ERBB4: variants seen among roughly 807,000 people sequenced by gnomAD.
ERBB4 encodes the protein erb-b2 receptor tyrosine kinase 4, also known as receptor tyrosine-protein kinase erbB-4.
In ERBB4, 42 loss-of-function variants were observed where a neutral mutation model predicts 158.0. The observed-to-expected ratio is 0.27, with a 90% CI of 0.21 to 0.34. The LOEUF is 0.34. Ranked by LOEUF, ERBB4 falls within the 10% of genes least tolerant of loss-of-function variation. ERBB4 has a pLI of 1.00. For synonymous variants in ERBB4, 583 were observed against 558.7 expected (o/e 1.04, Z -0.61); for missense variants, 1,333 against 1,624.1 (o/e 0.82, Z 3.08).
At position 211,381,116 on chromosome 2, in the gene ERBB4, C is replaced by T. The variant is rs1016661891; in HGVS notation, c.*2499G>A. On this transcript the variant is annotated 3_prime_UTR_variant, in exon 28 of 28. Coordinates refer to ENST00000342788, the MANE Select transcript of ERBB4 (RefSeq NM_005235.3). Reference sequence around the variant, plus strand: ...AGAGCCCTGAGCTATTAGATTGTGGCCCCTGAATCACTCTGTGTCTTTACC... The same window carrying T: ...AGAGCCCTGAGCTATTAGATTGTGGTCCCTGAATCACTCTGTGTCTTTACC... The T allele has an allele frequency of 4.3e-5, 10 of 232,356 alleles. No homozygotes were observed. Among genetic ancestry groups the T allele is most frequent in the Admixed American group, 3.4e-4 (6 of 17,718 alleles). The allele number at this position is 232,356 out of a possible 1,614,324, so 14.4% of individuals were successfully genotyped here. A position where few individuals can be genotyped will look rare whatever the true frequency, so the allele number is the denominator to read the frequency against.
At chr2:211,684,171 G>T (rs528182512) in intron 12 of ERBB4, among the ~76,000 whole-genome samples, 124 of 152,250 alleles carry the variant, frequency 8.1e-4, no homozygotes, top group Admixed American at 2.0e-3. Flanking sequence ...AAACCAAGTG[G>T]CCGGACACGG....
intron 3 of ERBB4, among the ~76,000 whole-genome samples, chr2:211,851,863 G>A (rs2106035307): frequency 6.6e-6 from 1 of 151,736 alleles, no homozygotes; most frequent in South Asian, 2.1e-4. Flanking sequence ...TATGAGCAAA[G>A]GCTAAATATT....
At chr2:212,372,941 AG>A (rs1574793481) in intron 1 of ERBB4, among the ~76,000 whole-genome samples, 1 of 152,070 alleles carries the variant, frequency 6.6e-6, no homozygotes, top group African/African-American at 2.4e-5. Context: ...TATACATAAC[AG>A]GGAAAATTTA....
intron 2 of ERBB4, among the ~76,000 whole-genome samples, chr2:212,021,208 T>C (rs918943274): frequency 6.6e-5 from 10 of 152,170 alleles, no homozygotes; most frequent in African/African-American, 2.4e-4. Flanking sequence ...AATTAGACCT[T>C]TAGAATTCCT....
chr2:211,893,746 CG>C (rs1559621768), intron 3 of ERBB4, among the ~76,000 whole-genome samples: 1 of 120,448 alleles, frequency 8.3e-6, no homozygotes, highest in Admixed American at 8.2e-5. Context: ...AAAAAGTGGG[CG>C]AAGGACATGA....
intron 16 of ERBB4, 32 bp from the exon 17 acceptor site, chr2:211,630,626 A>C (rs200903212): frequency 6.3e-7 from 1 of 1,591,570 alleles, no homozygotes; most frequent in Non-Finnish European, 8.6e-7. Context: ...AAAAAAATAA[A>C]AAGTATGAAG....
At position 212,099,142 on chromosome 2, in the gene ERBB4, C is replaced by T. The variant is rs1172028855; in HGVS notation, c.234+25610G>A. ...TGAGCAACATGGACAGAGCCCCTCT[C>T]TAAAATAAATAAATAAATAAATAAA... On this transcript the variant is annotated intron_variant, in intron 2 of 27. Coordinates refer to ENST00000342788, the MANE Select transcript of ERBB4 (RefSeq NM_005235.3). 6.4e-4 allele frequency among the ~76,000 whole-genome samples: 78 copies of T among 121,226 alleles called. No homozygotes were observed. In the Admixed American group the frequency reaches 8.0e-3, roughly 12 times the overall value. The allele number at this position is 121,226 out of a possible 152,430, so 79.5% of individuals were successfully genotyped here. A position where few individuals can be genotyped will look rare whatever the true frequency, so the allele number is the denominator to read the frequency against.
chr2:211,736,436 C>A (rs540180326), intron 5 of ERBB4, among the ~76,000 whole-genome samples: 4 of 152,182 alleles, frequency 2.6e-5, no homozygotes, highest in African/African-American at 9.6e-5. Context: ...GCAGGGTGTA[C>A]TGAAGTGATT....
At chr2:212,021,373 A>G (rs2076645227) in intron 2 of ERBB4, among the ~76,000 whole-genome samples, 1 of 152,160 alleles carries the variant, frequency 6.6e-6, no homozygotes, top group Non-Finnish European at 1.5e-5. Flanking sequence ...AAAAACAGGC[A>G]CATAGACCAA....
chr2:211,864,708 G>A (rs2078158998), intron 3 of ERBB4, among the ~76,000 whole-genome samples: 1 of 152,172 alleles, frequency 6.6e-6, no homozygotes, highest in South Asian at 2.1e-4. Flanking sequence ...GCTCACGCTT[G>A]TAATACCAGC....
intron 1 of ERBB4, among the ~76,000 whole-genome samples, chr2:212,498,740 T>C (rs1401665914): frequency 1.3e-5 from 2 of 152,068 alleles, no homozygotes; most frequent in Admixed American, 1.3e-4. Context: ...TCATAATCTT[T>C]ACTTTCCCTA....
rs1559700157 is a variant in ERBB4 at position 212,191,438 on chromosome 2, C to CGTT, written c.83-66536_83-66535insAAC. On this transcript the variant is annotated intron_variant, in intron 1 of 27. Coordinates refer to ENST00000342788, the MANE Select transcript of ERBB4 (RefSeq NM_005235.3). ...TACAACCTAGTTGTAGGTATATACACATGTTATACATGTTATACCTGTTAT... is the reference window on the plus strand; with the variant it reads ...TACAACCTAGTTGTAGGTATATACACGTTATGTTATACATGTTATACCTGTTAT... Among the ~76,000 whole-genome samples, 28 of 90,382 alleles carry CGTT rather than the reference C, an allele frequency of 3.1e-4. 1 individual carries two copies. Among genetic ancestry groups the CGTT allele is most frequent in the African/African-American group, 6.3e-4 (14 of 22,396 alleles). The allele number at this position is 90,382 out of a possible 152,430, so 59.3% of individuals were successfully genotyped here.
intron 1 of ERBB4, among the ~76,000 whole-genome samples, chr2:212,350,996 G>A (rs1413450370): frequency 6.6e-6 from 1 of 152,096 alleles, no homozygotes; most frequent in African/African-American, 2.4e-5. Context: ...CAGCTAGTGG[G>A]TATTACTGGC....
At chr2:212,216,103 A>G (rs1400535258) in intron 1 of ERBB4, among the ~76,000 whole-genome samples, 1 of 151,322 alleles carries the variant, frequency 6.6e-6, no homozygotes, top group Non-Finnish European at 1.5e-5. Flanking sequence ...TTTCCACATC[A>G]TTTGTGGAAG....
chr2:211,480,984 C>CTA (rs949034240), intron 20 of ERBB4, among the ~76,000 whole-genome samples: 6 of 152,116 alleles, frequency 3.9e-5, no homozygotes, highest in African/African-American at 1.4e-4. Flanking sequence ...TCAATCAGCT[C>CTA]TATATATCAG....
chr2:211,840,128 T>C (rs562098905), intron 3 of ERBB4, among the ~76,000 whole-genome samples: 38 of 152,156 alleles, frequency 2.5e-4, no homozygotes, highest in Admixed American at 1.9e-3. Flanking sequence ...TCCCACGTGT[T>C]GTGGGAGGGA....
chr2:211,537,622 G>C (rs1005036686), intron 20 of ERBB4, among the ~76,000 whole-genome samples: 1 of 151,910 alleles, frequency 6.6e-6, no homozygotes, highest in African/African-American at 2.4e-5. Flanking sequence ...TGAAGAAACT[G>C]TATTTCCCTT....
intron 3 of ERBB4, among the ~76,000 whole-genome samples, chr2:211,860,296 A>C (rs13033279): frequency 0.21 from 32,303 of 152,076 alleles, 3,586 homozygotes; most frequent in South Asian, 0.33. Context: ...TCTAACTTTC[A>C]ACATTATTCT....
At chr2:211,975,041 T>G (rs1486480331) in intron 2 of ERBB4, among the ~76,000 whole-genome samples, 1 of 152,092 alleles carries the variant, frequency 6.6e-6, no homozygotes, top group Admixed American at 6.5e-5. Context: ...TGGACTGCAG[T>G]GGCACAATCG....
Sources: gnomAD v4.1 joint callset for allele counts (sites outside exome capture counted in the v4.1 genomes callset) on GRCh38, gnomAD v4.1.1 for gene constraint, MANE v1.5 for transcripts, NCBI Gene and HGNC (gene_info 2026-07-23, HGNC 2026-07-21) for gene names.